The following CLUAP1 variants were observed in gnomAD, a reference collection of about 807,000 sequenced individuals.
CLUAP1 encodes intraflagellar transport 38.
Under a neutral mutation model 55.0 loss-of-function variants are expected in CLUAP1, and 50 were observed. The observed-to-expected ratio is 0.91, with a 90% CI of 0.72 to 1.15. The LOEUF (loss-of-function observed/expected upper bound fraction) is 1.15, where lower values mean the gene tolerates loss of function less well. Ranked by LOEUF, CLUAP1 falls within the 50% of genes most tolerant of loss-of-function variation. The pLI, the probability that CLUAP1 is intolerant of heterozygous loss-of-function variation, is 0.00. For missense variants in CLUAP1, 530 were observed against 507.6 expected, an observed-to-expected ratio of 1.04 and a Z score of -0.42; for synonymous variants, 195 against 175.4, an observed-to-expected ratio of 1.11 and a Z score of -0.88.
At position 3,501,064 on chromosome 16, in the gene CLUAP1, C is replaced by T; in HGVS notation, c.-4C>T. 2 of 1,600,162 alleles carry T rather than the reference C, an allele frequency of 1.2e-6. No homozygotes were observed. The highest frequency in any genetic ancestry group is 1.1e-5 in the South Asian group (1 of 89,708). On this transcript the variant is annotated 5_prime_UTR_variant, in exon 1 of 12. Transcript: ENST00000576634. ...GACCCTGGGCTCCTGGGGACCTGAG[C>T]GTTATGTCTTTCCGCGACCTCCGCA...
chr16:3,502,948 C>T (rs1286146204), intron 1 of CLUAP1, among the ~76,000 whole-genome samples: 1 of 152,134 alleles, frequency 6.6e-6, no homozygotes, highest in African/African-American at 2.4e-5. Flanking sequence ...AGTATTTAGG[C>T]AGTGCCTTAC....
rs1596388873 is a variant in CLUAP1, at chr16:3,512,545, T to G, written c.495+67T>G. 8.1e-6 allele frequency: 10 copies of G among 1,237,750 alleles called. No individual in the cohort carries two copies. The East Asian group carries it at 2.3e-4, about 29-fold the overall frequency. 76.7% of individuals were successfully genotyped at this position (1,237,750 alleles called of 1,614,324 possible). ...TCAAGGTTTTCTTTTTCAATTCTGT[T>G]TCTCCCTTTTCAGTTCTGATTTAAT... On this transcript the variant is annotated intron_variant, in intron 5 of 11. Transcript: ENST00000576634.
chr16:3,534,498 A>G (rs923315035), intron 11 of CLUAP1: 5 of 152,554 alleles, frequency 3.3e-5, no homozygotes, highest in African/African-American at 7.2e-5. Flanking sequence ...GCCCTGAAGA[A>G]TCATGAGCCC....
chr16:3,501,169 C>T (rs2037390814), intron 1 of CLUAP1, 80 bp downstream of exon 1: 2 of 1,420,814 alleles, frequency 1.4e-6, no homozygotes, highest in Non-Finnish European at 9.6e-7. Context: ...CCTGTGTAGG[C>T]GATCCCTGAG....
intron 3 of CLUAP1, 142 bp downstream of exon 3, chr16:3,506,557 G>T (rs895011513): frequency 4.5e-6 from 3 of 667,388 alleles, no homozygotes; most frequent in Non-Finnish European, 7.7e-6. Flanking sequence ...CGCCCAGGCC[G>T]GAGTGCAGTG....
chr16:3,521,118 A>G (rs2037824000), intron 7 of CLUAP1, among the ~76,000 whole-genome samples: 1 of 151,966 alleles, frequency 6.6e-6, no homozygotes, highest in Non-Finnish European at 1.5e-5. Flanking sequence ...CGCAAGGCCA[A>G]GGCCCTTCCC....
Position 3,523,431 on chromosome 16 carries a change from A to T in CLUAP1, c.855+132A>T, listed in dbSNP as rs887963150. The T allele has an allele frequency of 3.7e-6, 4 of 1,078,834 alleles. No homozygotes were observed. In the African/African-American group the frequency reaches 6.4e-5, roughly 17 times the overall value. The allele number at this position is 1,078,834 out of a possible 1,614,324, so 66.8% of individuals were successfully genotyped here. On this transcript the variant is annotated intron_variant, in intron 8 of 11. Coordinates refer to ENST00000576634, the MANE Select transcript of CLUAP1 (RefSeq NM_015041.3). ...TTTTTTCTCCCTGGTCAGTCTGAGGATTGCTCATGTAATGTGTTTGTTTTG... is the reference window on the plus strand; with the variant it reads ...TTTTTTCTCCCTGGTCAGTCTGAGGTTTGCTCATGTAATGTGTTTGTTTTG...
intron 7 of CLUAP1, among the ~76,000 whole-genome samples, chr16:3,521,946 C>G (rs1464346199): frequency 6.6e-6 from 1 of 151,884 alleles, no homozygotes; most frequent in Non-Finnish European, 1.5e-5. Context: ...GTAGTCCCAG[C>G]TACTTGGGGG....
chr16:3,531,808 C>G (rs1567442051), intron 10 of CLUAP1, among the ~76,000 whole-genome samples: 1 of 151,740 alleles, frequency 6.6e-6, no homozygotes, highest in East Asian at 1.9e-4. Context: ...ACAATTGGAA[C>G]TCTTCCTCTG....
intron 6 of CLUAP1, among the ~76,000 whole-genome samples, chr16:3,518,893 T>G (rs1169814704): frequency 1.3e-5 from 2 of 152,190 alleles, no homozygotes; most frequent in Non-Finnish European, 2.9e-5. Context: ...TTCAGAGACT[T>G]GCAGGAAAAC....
chr16:3,522,310 T>C (rs1008743648), intron 7 of CLUAP1, among the ~76,000 whole-genome samples: 22 of 151,308 alleles, frequency 1.5e-4, no homozygotes, highest in African/African-American at 5.3e-4. Flanking sequence ...ATTACAGGCA[T>C]GTGCCACCAC....
chr16:3,533,139 C>A (rs1169246369), intron 11 of CLUAP1: 1 of 1,536,014 alleles, frequency 6.5e-7, no homozygotes, highest in Non-Finnish European at 8.7e-7. Context: ...TGCAAGACTT[C>A]CAGCTCCAAG....
At chr16:3,526,790 T>C (rs1221181392) in intron 9 of CLUAP1, among the ~76,000 whole-genome samples, 1 of 152,216 alleles carries the variant, frequency 6.6e-6, no homozygotes, top group Non-Finnish European at 1.5e-5. Flanking sequence ...CATTTCGTTC[T>C]TGTGCCAGTT....
chr16:3,503,104 A>C (rs2037438269), intron 1 of CLUAP1, among the ~76,000 whole-genome samples: 1 of 151,416 alleles, frequency 6.6e-6, no homozygotes, highest in Non-Finnish European at 1.5e-5. Flanking sequence ...CCTCCCCAGT[A>C]ACTGGAATTA....
At chr16:3,523,745 A>C (rs997637756) in intron 8 of CLUAP1, among the ~76,000 whole-genome samples, 33 of 152,310 alleles carry the variant, frequency 2.2e-4, no homozygotes, top group African/African-American at 7.9e-4. Flanking sequence ...CGAGCGGATC[A>C]CTTGAGGTCA....
At chr16:3,535,973 T>G (rs1399186932) in intron 11 of CLUAP1, 149 bp from the exon 12 acceptor site, 1 of 820,280 alleles carries the variant, frequency 1.2e-6, no homozygotes, top group Non-Finnish European at 1.9e-6. Flanking sequence ...CAGTCCCATC[T>G]GTATGCCCTC....
At position 3,537,998 on chromosome 16, in the gene CLUAP1, C is replaced by CAAAAAA. The variant is rs34360832; in HGVS notation, c.*1744_*1749dup. Reference sequence around the variant, plus strand: ...TGGGCAGCAGAGTGAGACTCCATCTCAAAAAAAAAAAAAAAAAAAAAAGCA... The same window carrying CAAAAAA: ...TGGGCAGCAGAGTGAGACTCCATCTCAAAAAAAAAAAAAAAAAAAAAAAAAAAAGCA... On this transcript the variant is annotated 3_prime_UTR_variant, in exon 12 of 12. Coordinates refer to ENST00000576634, the MANE Select transcript of CLUAP1 (RefSeq NM_015041.3). 3.0e-4 allele frequency: 11 copies of CAAAAAA among 36,622 alleles called. No homozygotes were observed. Among genetic ancestry groups the CAAAAAA allele is most frequent in the East Asian group, 1.7e-3 (2 of 1,184 alleles). 2.3% of individuals were successfully genotyped at this position (36,622 alleles called of 1,614,324 possible). A position where few individuals can be genotyped will look rare whatever the true frequency, so the allele number is the denominator to read the frequency against.
At chr16:3,499,525 C>G (rs1027556619), upstream of CLUAP1, among the ~76,000 whole-genome samples, 3 of 152,214 alleles carry the variant, frequency 2.0e-5, no homozygotes, top group African/African-American at 7.2e-5. Flanking sequence ...ATGCACTTCT[C>G]TAATAATAGC....
At position 3,536,396 on chromosome 16, in the gene CLUAP1, C is replaced by G. The variant is rs978555916; in HGVS notation, c.*125C>G. 9.2e-6 allele frequency: 9 copies of G among 981,120 alleles called. No individual in the cohort carries two copies. The African/African-American group carries it at 1.3e-4, about 14-fold the overall frequency. The allele number at this position is 981,120 out of a possible 1,614,324, so 60.8% of individuals were successfully genotyped here. On this transcript the variant is annotated 3_prime_UTR_variant, in exon 12 of 12. Coordinates refer to ENST00000576634, the MANE Select transcript of CLUAP1 (RefSeq NM_015041.3). Reference sequence around the variant, plus strand: ...CTGGCTGGACTCATGATCACTGAAGCAATACTTATTTCTGCTTTAGCCTCC... The same window carrying G: ...CTGGCTGGACTCATGATCACTGAAGGAATACTTATTTCTGCTTTAGCCTCC...
Sources: allele counts gnomAD v4.1 joint callset (sites outside exome capture counted in the v4.1 genomes callset), GRCh38; gene constraint gnomAD v4.1.1; transcripts MANE v1.5; gene names NCBI Gene and HGNC (gene_info 2026-07-23, HGNC 2026-07-21).